PDGFD: variants seen among roughly 807,000 people sequenced by gnomAD.
PDGFD encodes platelet derived growth factor D.
A neutral mutation model predicts 44.7 loss-of-function variants in PDGFD; 30 were observed. The observed-to-expected ratio is 0.67, with a 90% confidence interval of 0.50 to 0.91. The LOEUF is 0.91. Among genes scored for constraint, PDGFD ranks in the 40% least tolerant of loss-of-function variants. PDGFD has a pLI of 0.00. For missense variants in PDGFD, 445 were observed against 457.8 expected (o/e 0.97, Z 0.25); for synonymous variants, 173 against 168.4 (o/e 1.03, Z -0.21).
chr11:104,070,661 T>C (rs1055144418), intron 1 of PDGFD, among the ~76,000 whole-genome samples: 1 of 152,170 alleles, frequency 6.6e-6, no homozygotes, highest in African/African-American at 2.4e-5. Flanking sequence ...CTTTTGCACC[T>C]TCATTTTTTT....
intron 1 of PDGFD, among the ~76,000 whole-genome samples, chr11:104,044,212 C>T (rs1333910751): frequency 1.3e-5 from 2 of 152,088 alleles, no homozygotes; most frequent in Non-Finnish European, 2.9e-5. Context: ...AAAATTACTA[C>T]CAAAAATCCA....
At chr11:103,936,531 G>A (rs1000452289) in intron 5 of PDGFD, among the ~76,000 whole-genome samples, 11 of 152,098 alleles carry the variant, frequency 7.2e-5, no homozygotes, top group African/African-American at 2.7e-4. Flanking sequence ...AAAACATACT[G>A]ATATAAAACA....
At chr11:104,042,721 A>G (rs1860377268) in intron 1 of PDGFD, among the ~76,000 whole-genome samples, 1 of 152,204 alleles carries the variant, frequency 6.6e-6, no homozygotes, top group African/African-American at 2.4e-5. Context: ...AATAAAGCAG[A>G]CAATTACCAA....
chr11:104,082,133 C>CATATATATATATATATAT lies in PDGFD; in HGVS notation c.124+81670_124+81671insATATATATATATATATAT, dbSNP rs981551524. 9.8e-4 allele frequency among the ~76,000 whole-genome samples: 115 copies of CATATATATATATATATAT among 117,520 alleles called. 11 individuals are homozygous for CATATATATATATATATAT. The highest frequency in any genetic ancestry group is 3.3e-3 in the East Asian group (12 of 3,686). The allele number at this position is 117,520 out of a possible 152,430, so 77.1% of individuals were successfully genotyped here. ...ATTTTTGTTGATGTCCATATACATACATACATATATATATATGAAAAACAA... is the reference window on the plus strand; with the variant it reads ...ATTTTTGTTGATGTCCATATACATACATATATATATATATATATATACATATATATATATGAAAAACAA... On this transcript the variant is annotated intron_variant, in intron 1 of 6. Coordinates refer to ENST00000393158, the MANE Select transcript of PDGFD (RefSeq NM_025208.5).
chr11:103,953,800 G>A (rs1337830741), intron 3 of PDGFD, among the ~76,000 whole-genome samples: 1 of 152,164 alleles, frequency 6.6e-6, no homozygotes, highest in African/African-American at 2.4e-5. Context: ...TTGTAGATAC[G>A]TTTCTCACCA....
intron 1 of PDGFD, among the ~76,000 whole-genome samples, chr11:104,007,005 T>A (rs539318937): frequency 6.6e-6 from 1 of 152,250 alleles, no homozygotes; most frequent in East Asian, 1.9e-4. Flanking sequence ...ACGTGCCCAT[T>A]TGGGCTTTGG....
intron 1 of PDGFD, among the ~76,000 whole-genome samples, chr11:104,148,574 A>G (rs970253597): frequency 6.6e-6 from 1 of 152,204 alleles, no homozygotes; most frequent in Non-Finnish European, 1.5e-5. Context: ...AATGAGTTAA[A>G]TAAAATATAT....
At chr11:103,978,267 G>A (rs934990149) in intron 3 of PDGFD, among the ~76,000 whole-genome samples, 8 of 152,016 alleles carry the variant, frequency 5.3e-5, no homozygotes, top group Non-Finnish European at 2.9e-5. Context: ...CGATAGGGAT[G>A]GTGTTCTTAA....
intron 1 of PDGFD, among the ~76,000 whole-genome samples, chr11:104,029,748 C>T (rs920519743): frequency 1.3e-5 from 2 of 152,156 alleles, no homozygotes; most frequent in African/African-American, 4.8e-5. Flanking sequence ...GGGTGGACTG[C>T]ATGCTATTAC....
At chr11:104,085,958 G>C (rs1449923154) in intron 1 of PDGFD, among the ~76,000 whole-genome samples, 1 of 152,178 alleles carries the variant, frequency 6.6e-6, no homozygotes, top group African/African-American at 2.4e-5. Context: ...CACTGAGTTA[G>C]GGGTTTGGAC....
chr11:104,037,399 A>G (rs1363423546), intron 1 of PDGFD: 2 of 1,614,000 alleles, frequency 1.2e-6, no homozygotes, highest in East Asian at 2.2e-5. Context: ...AAAGGCCTTG[A>G]GAGAGCAAGA....
chr11:103,926,345 C>A (rs1364887608), intron 6 of PDGFD, among the ~76,000 whole-genome samples: 2 of 152,114 alleles, frequency 1.3e-5, no homozygotes, highest in African/African-American at 4.8e-5. Flanking sequence ...CTCCTATATT[C>A]TTTTACTTTT....
intron 6 of PDGFD, among the ~76,000 whole-genome samples, chr11:103,924,943 C>G (rs1236084617): frequency 3.3e-5 from 5 of 152,152 alleles, no homozygotes; most frequent in African/African-American, 1.2e-4. Context: ...AGGTATTTCT[C>G]CTAATGCTAT....
At chr11:103,976,571 C>A (rs260828) in intron 3 of PDGFD, among the ~76,000 whole-genome samples, 4 of 151,948 alleles carry the variant, frequency 2.6e-5, no homozygotes, top group African/African-American at 9.7e-5. Flanking sequence ...GTATGTTGAA[C>A]AGGAGTGGTA....
chr11:104,005,148 G>A (rs1212967421), intron 1 of PDGFD, among the ~76,000 whole-genome samples: 1 of 152,086 alleles, frequency 6.6e-6, no homozygotes, highest in East Asian at 1.9e-4. Flanking sequence ...TAAAGTGCTG[G>A]GATTACAGGC....
In PDGFD at chr11:104,056,472, C is replaced by T. The variant is rs540707086; in HGVS notation, c.125-56217G>A. Among the ~76,000 whole-genome samples the T allele has an allele frequency of 2.0e-5, 3 of 152,022 alleles. No individual in the cohort carries two copies. The South Asian group carries it at 6.2e-4, about 32-fold the overall frequency. On this transcript the variant is annotated intron_variant, in intron 1 of 6. Coordinates refer to ENST00000393158, the MANE Select transcript of PDGFD (RefSeq NM_025208.5). ...TGGGCCCTAAATCTGGGGACTGGTG[C>T]TATTATAAGAGAAAGGAGACAGTGA...
At chr11:103,944,159 A>G (rs753539545) in intron 4 of PDGFD, among the ~76,000 whole-genome samples, 4 of 152,202 alleles carry the variant, frequency 2.6e-5, no homozygotes, top group Admixed American at 6.6e-5. Context: ...ACATTTTCAT[A>G]AAATTTAGCA....
intron 1 of PDGFD, among the ~76,000 whole-genome samples, chr11:104,065,277 C>A (rs2134416946): frequency 6.6e-6 from 1 of 152,202 alleles, no homozygotes; most frequent in African/African-American, 2.4e-5. Context: ...TACATCTATC[C>A]TATTATTTCT....
intron 1 of PDGFD, among the ~76,000 whole-genome samples, chr11:104,030,531 AAC>A (rs1423681086): frequency 6.6e-6 from 1 of 152,222 alleles, no homozygotes; most frequent in African/African-American, 2.4e-5. Context: ...ACCAAAAAGA[AAC>A]ACAGCATTCG....
Sources: allele counts gnomAD v4.1 joint callset (sites outside exome capture counted in the v4.1 genomes callset), GRCh38; gene constraint gnomAD v4.1.1; transcripts MANE v1.5; gene names NCBI Gene and HGNC (gene_info 2026-07-23, HGNC 2026-07-21).